Variants in GPC5 observed in about 807,000 individuals in gnomAD.
GPC5 encodes glypican 5.
A neutral mutation model predicts 53.9 loss-of-function variants in GPC5; 47 were observed. The ratio of observed to expected loss-of-function variants is 0.87; its 90% CI spans 0.69 to 1.11. The LOEUF (loss-of-function observed/expected upper bound fraction) is 1.11, where lower values mean the gene tolerates loss of function less well. Ranked by LOEUF, GPC5 falls within the 50% of genes most tolerant of loss-of-function variation. GPC5 has a pLI of 0.00. For synonymous variants in GPC5, 286 were observed against 263.3 expected (o/e 1.09, Z -0.84); for missense variants, 748 against 713.1 (o/e 1.05, Z -0.56).
intron 7 of GPC5, among the ~76,000 whole-genome samples, chr13:92,595,401 T>C (rs1387201789): frequency 1.3e-5 from 2 of 152,196 alleles, no homozygotes. Flanking sequence ...TAAACAATGT[T>C]TGCAGTAAGA....
chr13:92,795,390 G>A (rs1876635944), intron 7 of GPC5, among the ~76,000 whole-genome samples: 1 of 151,880 alleles, frequency 6.6e-6, no homozygotes, highest in Admixed American at 6.6e-5. Context: ...AATTCAAGAT[G>A]GATTAAAGAC....
At chr13:92,439,685 G>C (rs1877469080) in intron 7 of GPC5, among the ~76,000 whole-genome samples, 1 of 152,110 alleles carries the variant, frequency 6.6e-6, no homozygotes, top group Non-Finnish European at 1.5e-5. Flanking sequence ...AAAAATCTGT[G>C]TTCAAGTCTG....
intron 6 of GPC5, among the ~76,000 whole-genome samples, chr13:91,986,703 TC>T (rs2040411438): frequency 6.6e-6 from 1 of 152,210 alleles, no homozygotes; most frequent in Admixed American, 6.5e-5. Flanking sequence ...AGACCTAAGT[TC>T]CTTAATGTCA....
intron 7 of GPC5, among the ~76,000 whole-genome samples, chr13:92,647,664 A>G (rs1885818107): frequency 6.6e-6 from 1 of 152,128 alleles, no homozygotes. Context: ...TTAACATAAA[A>G]ATTGTTTTGA....
chr13:92,607,824 C>T (rs981552419), intron 7 of GPC5, among the ~76,000 whole-genome samples: 2 of 152,016 alleles, frequency 1.3e-5, no homozygotes, highest in African/African-American at 4.8e-5. Context: ...TTCAGTTGAC[C>T]CTTGAACAAC....
At chr13:92,165,478 C>T (rs1408029961) in intron 7 of GPC5, among the ~76,000 whole-genome samples, 1 of 152,116 alleles carries the variant, frequency 6.6e-6, no homozygotes, top group Non-Finnish European at 1.5e-5. Context: ...AACTTACAAT[C>T]ATGGCAGAAG....
intron 3 of GPC5, among the ~76,000 whole-genome samples, chr13:91,718,980 A>C (rs1275897015): frequency 6.6e-6 from 1 of 152,188 alleles, no homozygotes; most frequent in Non-Finnish European, 1.5e-5. Context: ...AAGAAATTAG[A>C]GGGCAAAATG....
intron 7 of GPC5, among the ~76,000 whole-genome samples, chr13:92,828,894 A>G (rs1566435640): frequency 6.6e-6 from 1 of 152,318 alleles, no homozygotes; most frequent in South Asian, 2.1e-4. Flanking sequence ...GATACAATGC[A>G]CACTATTCGG....
chr13:92,260,009 G>A (rs2042754894), intron 7 of GPC5, among the ~76,000 whole-genome samples: 1 of 152,166 alleles, frequency 6.6e-6, no homozygotes, highest in African/African-American at 2.4e-5. Context: ...TGTTATGGCA[G>A]CTTCCCTCTA....
intron 7 of GPC5, among the ~76,000 whole-genome samples, chr13:92,483,532 G>A (rs1879434885): frequency 6.6e-6 from 1 of 152,180 alleles, no homozygotes; most frequent in Non-Finnish European, 1.5e-5. Flanking sequence ...TCAGTGAGTG[G>A]TGAGTGAATG....
chr13:92,083,081 G>A (rs932752920), intron 6 of GPC5, among the ~76,000 whole-genome samples: 6 of 152,168 alleles, frequency 3.9e-5, no homozygotes, highest in African/African-American at 1.4e-4. Context: ...TTAAGCTAGA[G>A]TTATATTTAA....
Position 91,447,591 on chromosome 13 carries a change from C to T in GPC5, c.164-1170C>T, listed in dbSNP as rs552625717. Reference sequence around the variant, plus strand: ...GTGGTTTCATATATTTTCAGCTGACCCAGAACCAACTTTTGGAAATTTGAG... The same window carrying T: ...GTGGTTTCATATATTTTCAGCTGACTCAGAACCAACTTTTGGAAATTTGAG... On this transcript the variant is annotated intron_variant, in intron 1 of 7. Coordinates refer to ENST00000377067, the MANE Select transcript of GPC5 (RefSeq NM_004466.6). Among the ~76,000 whole-genome samples the T allele has an allele frequency of 7.0e-4, 107 of 152,052 alleles. 1 individual carries two copies. The South Asian group carries it at 0.022, about 32-fold the overall frequency.
chr13:91,777,689 G>A (rs2037733207), intron 5 of GPC5, among the ~76,000 whole-genome samples: 1 of 151,860 alleles, frequency 6.6e-6, no homozygotes, highest in Non-Finnish European at 1.5e-5. Flanking sequence ...TTGATTTTGA[G>A]TAAGTTCAGA....
intron 6 of GPC5, among the ~76,000 whole-genome samples, chr13:91,917,385 G>A (rs549560850): frequency 1.3e-5 from 2 of 152,316 alleles, no homozygotes; most frequent in East Asian, 3.9e-4. Context: ...GCAAGGTGCA[G>A]GCCCCCCACC....
chr13:92,401,068 A>G (rs1366480368), intron 7 of GPC5, among the ~76,000 whole-genome samples: 1 of 152,140 alleles, frequency 6.6e-6, no homozygotes, highest in African/African-American at 2.4e-5. Flanking sequence ...TCTGTTCCCA[A>G]AATGGAGCTT....
At chr13:92,441,740 A>G (rs1008686587) in intron 7 of GPC5, among the ~76,000 whole-genome samples, 2 of 152,204 alleles carry the variant, frequency 1.3e-5, no homozygotes, top group Non-Finnish European at 2.9e-5. Context: ...AATCACTATC[A>G]TTAAAATGGC....
chr13:91,812,761 T>G (rs1467052790), intron 5 of GPC5, among the ~76,000 whole-genome samples: 2 of 152,216 alleles, frequency 1.3e-5, no homozygotes, highest in Non-Finnish European at 2.9e-5. Context: ...TTTCTCAATT[T>G]CTGTTAATCT....
chr13:92,010,217 C>A (rs536958905), intron 6 of GPC5, among the ~76,000 whole-genome samples: 1 of 152,290 alleles, frequency 6.6e-6, no homozygotes, highest in Non-Finnish European at 1.5e-5. Context: ...TTTATCAGCA[C>A]TTAACATATC....
In GPC5 at chr13:92,516,889, A is replaced by T. The variant is rs1880805431; in HGVS notation, c.1562-349393A>T. On this transcript the variant is annotated intron_variant, in intron 7 of 7. Coordinates refer to ENST00000377067, the MANE Select transcript of GPC5 (RefSeq NM_004466.6). ...CCGAAGCAGGGTGAGGCATCACTTC[A>T]CCTGGGAAGCACAAGGGGTCAGGGA... Among the ~76,000 whole-genome samples the T allele has an allele frequency of 5.3e-5, 8 of 152,226 alleles. No individual in the cohort carries two copies. In the South Asian group the frequency reaches 1.5e-3, roughly 28 times the overall value.
Sources: allele counts gnomAD v4.1 joint callset (sites outside exome capture counted in the v4.1 genomes callset), GRCh38; gene constraint gnomAD v4.1.1; transcripts MANE v1.5; gene names NCBI Gene and HGNC (gene_info 2026-07-23, HGNC 2026-07-21).